The following INTS6 variants were observed in gnomAD, a reference collection of about 807,000 sequenced individuals.
INTS6 encodes integrator complex subunit 6.
INTS6 carries 16 observed loss-of-function variants against 104.9 expected under a neutral mutation model. The observed-to-expected ratio is 0.15, with a 90% CI of 0.10 to 0.23. INTS6 has a LOEUF of 0.23. INTS6 is among the 10% of genes least tolerant of loss of function. The pLI is 1.00. For synonymous variants in INTS6, 324 were observed against 358.7 expected (o/e 0.90, Z 1.09); for missense variants, 584 against 1,062.8 (o/e 0.55, Z 6.26).
intron 4 of INTS6, among the ~76,000 whole-genome samples, chr13:51,406,588 G>A (rs1172395613): frequency 6.6e-6 from 1 of 152,012 alleles, no homozygotes; most frequent in African/African-American, 2.4e-5. Context: ...CTATTGTCAA[G>A]ACTAAACAAC....
chr13:51,384,066 T>C (rs2137923522), intron 7 of INTS6: 1 of 180,870 alleles, frequency 5.5e-6, no homozygotes, highest in East Asian at 1.5e-4. Flanking sequence ...AGTCTTCATT[T>C]GTAGCAATTA....
chr13:51,426,474 C>G (rs1310934396), intron 4 of INTS6, among the ~76,000 whole-genome samples: 1 of 152,000 alleles, frequency 6.6e-6, no homozygotes, highest in African/African-American at 2.4e-5. Flanking sequence ...TTCAGTCATT[C>G]AAAAATGAAA....
the INTS6 span, chr13:51,341,338 A>G: frequency 6.3e-7 from 1 of 1,597,938 alleles, no homozygotes; most frequent in Non-Finnish European, 8.5e-7. Flanking sequence ...CCTGGGGTAC[A>G]CTGTCCATGG....
chr13:51,342,704 T>C, the INTS6 span, among the ~76,000 whole-genome samples: 3 of 152,186 alleles, frequency 2.0e-5, no homozygotes. Context: ...GAGAGTTCTG[T>C]GACCATTCCT....
intron 4 of INTS6, among the ~76,000 whole-genome samples, chr13:51,423,820 T>A (rs1396285023): frequency 6.6e-6 from 1 of 152,094 alleles, no homozygotes; most frequent in Admixed American, 6.6e-5. Context: ...TTAAAGTTGT[T>A]CATTTTCACA....
the INTS6 span, among the ~76,000 whole-genome samples, chr13:51,346,130 G>A: frequency 6.6e-6 from 1 of 152,204 alleles, no homozygotes; most frequent in Non-Finnish European, 1.5e-5. Flanking sequence ...TTAGAACAGA[G>A]CCTATCACAA....
chr13:51,426,525 G>A (rs903807017), intron 4 of INTS6, among the ~76,000 whole-genome samples: 2 of 151,936 alleles, frequency 1.3e-5, no homozygotes, highest in Non-Finnish European at 2.9e-5. Flanking sequence ...TTTGACACAC[G>A]AAAGGTAATA....
At chr13:51,394,975 T>C (rs551548130) in intron 5 of INTS6, among the ~76,000 whole-genome samples, 19 of 152,258 alleles carry the variant, frequency 1.2e-4, no homozygotes, top group African/African-American at 3.8e-4. Flanking sequence ...AGACTGTTTT[T>C]GCAAAAAATA....
the INTS6 span, among the ~76,000 whole-genome samples, chr13:51,342,225 C>T: frequency 2.4e-4 from 36 of 150,140 alleles, no homozygotes; most frequent in East Asian, 6.2e-3. Context: ...TGCGGCCTCA[C>T]GTTCATTCAA....
chr13:51,438,077 A>T (rs917493734), intron 3 of INTS6: 1 of 152,210 alleles, frequency 6.6e-6, no homozygotes, highest in Non-Finnish European at 1.5e-5. Context: ...TTCGTAAAAA[A>T]TGTGGATTTT....
chr13:51,386,812 A>G (rs2137933996), intron 7 of INTS6, among the ~76,000 whole-genome samples: 1 of 152,274 alleles, frequency 6.6e-6, no homozygotes, highest in Non-Finnish European at 1.5e-5. Context: ...AATGGATATT[A>G]ATTTGTATAA....
downstream of INTS6, chr13:51,361,172 C>A: frequency 1.4e-6 from 1 of 737,468 alleles, no homozygotes; most frequent in Non-Finnish European, 2.4e-6. Flanking sequence ...CAGTAAGCAG[C>A]ATTGGATACT....
chr13:51,368,260 T>TA (rs1175747063), intron 16 of INTS6, among the ~76,000 whole-genome samples: 3 of 152,012 alleles, frequency 2.0e-5, no homozygotes, highest in African/African-American at 7.2e-5. Context: ...AACATGGGGG[T>TA]AACTGGGAAG....
At chr13:51,448,618 A>T (rs1024777507) in intron 3 of INTS6, 1 of 152,210 alleles carries the variant, frequency 6.6e-6, no homozygotes, top group African/African-American at 2.4e-5. Context: ...TTAGTTATGA[A>T]AAATCATATA....
chr13:51,344,987 C>T, the INTS6 span, among the ~76,000 whole-genome samples: 2 of 152,232 alleles, frequency 1.3e-5, no homozygotes, highest in Admixed American at 1.3e-4. Context: ...CAAACAGCCT[C>T]GCTGCCCAGC....
intron 3 of INTS6, chr13:51,449,118 T>G (rs998563376): frequency 6.6e-6 from 1 of 152,238 alleles, no homozygotes; most frequent in Non-Finnish European, 1.5e-5. Flanking sequence ...ATTATCATTT[T>G]CATTTGAAAA....
downstream of INTS6, among the ~76,000 whole-genome samples, chr13:51,360,357 G>A (rs887988080): frequency 1.3e-5 from 2 of 151,978 alleles, no homozygotes; most frequent in Non-Finnish European, 2.9e-5. Context: ...CTTTCAATCA[G>A]AATATTCTCA....
At chr13:51,338,292 T>A in the INTS6 span, among the ~76,000 whole-genome samples, 3 of 152,334 alleles carry the variant, frequency 2.0e-5, no homozygotes, top group African/African-American at 7.2e-5. Flanking sequence ...TCCATCACCA[T>A]CAACATCTAA....
the INTS6 span, among the ~76,000 whole-genome samples, chr13:51,338,755 AG>A: frequency 6.6e-6 from 1 of 152,224 alleles, no homozygotes; most frequent in Admixed American, 6.5e-5. Context: ...AAACAATCCC[AG>A]GTTTGGGTGT....
Sources: gnomAD v4.1 joint callset for allele counts (sites outside exome capture counted in the v4.1 genomes callset) on GRCh38, gnomAD v4.1.1 for gene constraint, MANE v1.5 for transcripts, NCBI Gene and HGNC (gene_info 2026-07-23, HGNC 2026-07-21) for gene names.